The following PALS2 variants were observed in gnomAD, a reference collection of about 807,000 sequenced individuals.
PALS2 encodes the protein protein associated with LIN7 2, MAGUK p55 family member.
Under a neutral mutation model 61.6 loss-of-function variants are expected in PALS2, and 27 were observed. The observed-to-expected ratio is 0.44, with a 90% CI of 0.32 to 0.60. The LOEUF (loss-of-function observed/expected upper bound fraction) is 0.60. PALS2 is among the 20% of genes least tolerant of loss of function. The pLI is 0.05. For missense variants in PALS2, 554 were observed against 639.4 expected, an observed-to-expected ratio of 0.87 and a Z score of 1.44; for synonymous variants, 236 against 218.6, an observed-to-expected ratio of 1.08 and a Z score of -0.70.
At chr7:24,644,333 C>A (rs1785721718) in intron 3 of PALS2, among the ~76,000 whole-genome samples, 1 of 152,016 alleles carries the variant, frequency 6.6e-6, no homozygotes, top group African/African-American at 2.4e-5. Context: ...CATTTAGCTC[C>A]CACTTACAAG....
chr7:24,685,037 C>A (rs1038432455), intron 11 of PALS2, among the ~76,000 whole-genome samples: 1 of 151,640 alleles, frequency 6.6e-6, no homozygotes, highest in Non-Finnish European at 1.5e-5. Context: ...GGTGGTTTGC[C>A]GCACAGATCA....
intron 11 of PALS2, among the ~76,000 whole-genome samples, chr7:24,685,343 A>T (rs1350157680): frequency 6.6e-6 from 1 of 152,194 alleles, no homozygotes; most frequent in African/African-American, 2.4e-5. Flanking sequence ...ATTCTATACA[A>T]CATTTTCATT....
Position 24,663,728 on chromosome 7 carries a change from A to C in PALS2, c.783+7A>C. ...AGATCCAAATTGGTGGCAGGTTAGT[A>C]TGCTTCTCAGAAGTTCCTCAGCTAC... On this transcript the variant is annotated splice_region_variant and intron_variant, in intron 6 of 11. Coordinates refer to ENST00000222644, the MANE Select transcript of PALS2 (RefSeq NM_001303037.2). 1 of 1,607,962 alleles carries C rather than the reference A, an allele frequency of 6.2e-7. No homozygotes were observed. The highest frequency in any genetic ancestry group is 8.5e-7 in the Non-Finnish European group (1 of 1,175,506).
intron 11 of PALS2, among the ~76,000 whole-genome samples, chr7:24,686,001 A>G (rs1469309720): frequency 6.6e-6 from 1 of 152,180 alleles, no homozygotes; most frequent in East Asian, 1.9e-4. Flanking sequence ...GATGTCTCAC[A>G]GACATCTTAA....
intron 1 of PALS2, chr7:24,597,098 G>A (rs1344271538): frequency 6.6e-6 from 1 of 152,168 alleles, no homozygotes; most frequent in Non-Finnish European, 1.5e-5. Context: ...AGTAGGCTTG[G>A]TTAGAGTCAG....
At chr7:24,649,787 C>G in intron 4 of PALS2, 23 bp downstream of exon 4, 1 of 1,517,830 alleles carries the variant, frequency 6.6e-7, no homozygotes, top group Non-Finnish European at 8.8e-7. Flanking sequence ...AAATCAGTAC[C>G]CTATTAAATC....
chr7:24,677,981 C>T (rs1787712161), intron 9 of PALS2, among the ~76,000 whole-genome samples: 1 of 152,140 alleles, frequency 6.6e-6, no homozygotes, highest in Non-Finnish European at 1.5e-5. Flanking sequence ...AAAACACTGT[C>T]ATCTTTTTAT....
intron 5 of PALS2, 75 bp from the exon 6 acceptor site, chr7:24,663,515 G>GGTT (rs771451738): frequency 7.4e-7 from 1 of 1,355,286 alleles, no homozygotes; most frequent in Non-Finnish European, 1.0e-6. Context: ...AAATCAGAGT[G>GGTT]GTTTGACAAG....
chr7:24,640,467 A>G (rs1785466925), intron 2 of PALS2, among the ~76,000 whole-genome samples: 1 of 152,182 alleles, frequency 6.6e-6, no homozygotes, highest in Non-Finnish European at 1.5e-5. Flanking sequence ...TTTAGTTGAT[A>G]CTGTTACCAC....
At chr7:24,627,108 A>G (rs923314627) in intron 2 of PALS2, among the ~76,000 whole-genome samples, 3 of 152,228 alleles carry the variant, frequency 2.0e-5, no homozygotes, top group South Asian at 2.1e-4. Context: ...AAAATGGACC[A>G]CATAATTGGA....
At chr7:24,574,699 C>T (rs1292214377) in intron 1 of PALS2, among the ~76,000 whole-genome samples, 1 of 152,008 alleles carries the variant, frequency 6.6e-6, no homozygotes, top group Non-Finnish European at 1.5e-5. Context: ...TACAAGTGGT[C>T]TTGTAGTGTA....
chr7:24,686,411 G>C (rs949389916), intron 11 of PALS2, among the ~76,000 whole-genome samples: 1 of 152,018 alleles, frequency 6.6e-6, no homozygotes, highest in African/African-American at 2.4e-5. Context: ...CACCCATTCT[G>C]GTCTTCTTTC....
chr7:24,624,256 T>TATCC, intron 2 of PALS2: 1 of 527,876 alleles, frequency 1.9e-6, no homozygotes, highest in Non-Finnish European at 2.9e-6. Flanking sequence ...AACTCTGGAG[T>TATCC]AATCTCTTTA....
In PALS2 at chr7:24,684,112, TG is replaced by T. The variant is rs139731816; in HGVS notation, c.1447-3322del. Reference sequence around the variant, plus strand: ...CTAAGTAGATACAGTCAGATCACTATGGGGTTTTTTTGTTTTTTTTTTCTGT... The same window carrying T: ...CTAAGTAGATACAGTCAGATCACTATGGGTTTTTTTGTTTTTTTTTTCTGT... On this transcript the variant is annotated intron_variant, in intron 11 of 11. Coordinates refer to ENST00000222644, the MANE Select transcript of PALS2 (RefSeq NM_001303037.2). 1.6e-3 allele frequency among the ~76,000 whole-genome samples: 245 copies of T among 152,148 alleles called. 1 individual carries two copies. The highest frequency in any genetic ancestry group is 5.7e-3 in the African/African-American group (236 of 41,518).
chr7:24,676,983 C>T (rs1787635591), intron 9 of PALS2, among the ~76,000 whole-genome samples: 1 of 151,174 alleles, frequency 6.6e-6, no homozygotes. Flanking sequence ...GCCATTTTCA[C>T]GATATTGATT....
At chr7:24,679,533 G>A (rs1451216469) in intron 10 of PALS2, among the ~76,000 whole-genome samples, 200 bp downstream of exon 10, 1 of 152,104 alleles carries the variant, frequency 6.6e-6, no homozygotes, top group African/African-American at 2.4e-5. Flanking sequence ...GCCAACAGAG[G>A]CTTGGGTGGC....
chr7:24,609,681 G>C (rs7787065), intron 1 of PALS2, among the ~76,000 whole-genome samples: 9,590 of 151,850 alleles, frequency 0.063, 346 homozygotes, highest in African/African-American at 0.093. Flanking sequence ...TGCAAAGAAC[G>C]AGATCTACCT....
chr7:24,672,592 T>C (rs540498353), intron 9 of PALS2, among the ~76,000 whole-genome samples: 1 of 152,314 alleles, frequency 6.6e-6, no homozygotes, highest in African/African-American at 2.4e-5. Context: ...TAATGCTGTT[T>C]ATGGTTTTCA....
intron 1 of PALS2, among the ~76,000 whole-genome samples, chr7:24,581,372 G>A (rs1402093157): frequency 6.6e-6 from 1 of 151,872 alleles, no homozygotes; most frequent in Non-Finnish European, 1.5e-5. Context: ...CCCATCACAA[G>A]ATCTTTAATC....
Sources: gnomAD v4.1 joint callset for allele counts (sites outside exome capture counted in the v4.1 genomes callset) on GRCh38, gnomAD v4.1.1 for gene constraint, MANE v1.5 for transcripts, NCBI Gene and HGNC (gene_info 2026-07-23, HGNC 2026-07-21) for gene names.